The following OPHN1 variants were observed in gnomAD, a reference collection of about 807,000 sequenced individuals.
OPHN1 encodes the protein oligophrenin-1.
In OPHN1, 11 loss-of-function variants were observed where a neutral mutation model predicts 60.7. The observed-to-expected ratio is 0.18, with a 90% CI of 0.11 to 0.30. OPHN1 has a LOEUF of 0.30. Among genes scored for constraint, OPHN1 ranks in the 10% least tolerant of loss-of-function variants. The probability of loss-of-function intolerance (pLI) is 1.00; values close to 1 mark genes in which losing one functional copy is unlikely to be tolerated. For missense variants in OPHN1, 449 were observed against 611.0 expected, an observed-to-expected ratio of 0.73 and a Z score of 2.80; for synonymous variants, 226 against 222.6, an observed-to-expected ratio of 1.02 and a Z score of -0.14.
At chrX:68,167,818 G>T (rs1172205152) in intron 15 of OPHN1, among the ~76,000 whole-genome samples, 1 of 109,789 alleles carries the variant, frequency 9.1e-6, no homozygotes, top group African/African-American at 3.3e-5. Flanking sequence ...CAATAGCCAA[G>T]ATCCTGGAAG....
intron 21 of OPHN1, among the ~76,000 whole-genome samples, chrX:68,055,080 A>G (rs1284422707): frequency 8.9e-6 from 1 of 111,817 alleles, no homozygotes; most frequent in Non-Finnish European, 1.9e-5. Context: ...GTCCCATATT[A>G]CTGTCCCAAG....
intron 12 of OPHN1, among the ~76,000 whole-genome samples, chrX:68,196,364 A>G (rs2077512905): frequency 4.5e-5 from 5 of 111,876 alleles, no homozygotes; most frequent in Non-Finnish European, 1.9e-5. Flanking sequence ...TTTTCTAAGC[A>G]ACCCTGTGAG....
chrX:68,371,861 C>T (rs2078530918), intron 2 of OPHN1, among the ~76,000 whole-genome samples: 2 of 112,519 alleles, frequency 1.8e-5, no homozygotes, highest in South Asian at 3.7e-4. Flanking sequence ...TCTTCTGCCT[C>T]AGCCTCCCAA....
intron 6 of OPHN1, among the ~76,000 whole-genome samples, chrX:68,217,237 G>A (rs1254101126): frequency 8.9e-6 from 1 of 112,105 alleles, no homozygotes; most frequent in Non-Finnish European, 1.9e-5. Context: ...AAAAAACGGA[G>A]CACCACGAGA....
intron 2 of OPHN1, among the ~76,000 whole-genome samples, chrX:68,393,885 G>GTTTGTTTTTTTT: frequency 2.9e-5 from 1 of 34,587 alleles, no homozygotes; most frequent in Non-Finnish European, 4.9e-5. Context: ...AATAGACTTT[G>GTTTGTTTTTTTT]TTTTTTTTTT....
At chrX:68,262,339 T>C (rs913708245) in intron 5 of OPHN1, among the ~76,000 whole-genome samples, 1 of 112,637 alleles carries the variant, frequency 8.9e-6, no homozygotes, top group South Asian at 3.6e-4. Context: ...ATTACTATTT[T>C]ATTTTTAAAA....
chrX:68,269,863 A>G (rs1025718734), intron 5 of OPHN1, among the ~76,000 whole-genome samples: 19 of 112,165 alleles, frequency 1.7e-4, no homozygotes, highest in African/African-American at 5.5e-4. Context: ...AATATCCAGA[A>G]TCTACAATGA....
intron 15 of OPHN1, among the ~76,000 whole-genome samples, chrX:68,134,790 T>A (rs5919526): frequency 9.0e-6 from 1 of 110,777 alleles, no homozygotes; most frequent in East Asian, 2.9e-4. Context: ...CCAAATTCAT[T>A]TGAGGTGTCC....
At chrX:68,294,867 A>C (rs1470580112) in intron 3 of OPHN1, among the ~76,000 whole-genome samples, 1 of 111,743 alleles carries the variant, frequency 8.9e-6, no homozygotes, top group Non-Finnish European at 1.9e-5. Flanking sequence ...ATTTGGGAGC[A>C]CTCTAAAAGT....
chrX:68,198,109 C>A (rs1456542672), intron 11 of OPHN1, among the ~76,000 whole-genome samples: 6 of 111,573 alleles, frequency 5.4e-5, no homozygotes, highest in Non-Finnish European at 1.1e-4. Context: ...AGGCTACCTG[C>A]TGTGGTCTGA....
intron 4 of OPHN1, among the ~76,000 whole-genome samples, chrX:68,279,101 C>CTTTTTTTTTT (rs984725368): frequency 9.2e-5 from 2 of 21,785 alleles, no homozygotes; most frequent in African/African-American, 2.2e-4. Flanking sequence ...CTCCCCCGCT[C>CTTTTTTTTTT]TTTTTTTTTT....
chrX:68,420,838 T>A (rs1255268691), intron 2 of OPHN1, among the ~76,000 whole-genome samples: 2 of 100,916 alleles, frequency 2.0e-5, no homozygotes, highest in Non-Finnish European at 3.9e-5. Flanking sequence ...CTGAAAGTGA[T>A]TCTCAACAGA....
intron 19 of OPHN1, among the ~76,000 whole-genome samples, chrX:68,086,704 A>G (rs1399013787): frequency 8.9e-6 from 1 of 112,039 alleles, no homozygotes; most frequent in African/African-American, 3.2e-5. Flanking sequence ...GAAAGTTGAG[A>G]AAATTATCAC....
At chrX:68,392,066 C>A (rs1401209066) in intron 2 of OPHN1, among the ~76,000 whole-genome samples, 1 of 111,700 alleles carries the variant, frequency 9.0e-6, no homozygotes, top group Non-Finnish European at 1.9e-5. Flanking sequence ...TCAAAATAGA[C>A]AATTGACCCT....
chrX:68,310,310 A>C (rs1466147663), intron 2 of OPHN1, among the ~76,000 whole-genome samples: 1 of 111,584 alleles, frequency 9.0e-6, no homozygotes, highest in Non-Finnish European at 1.9e-5. Context: ...CATTGTGGTA[A>C]AATAAAGTTA....
At chrX:68,075,906 T>A (rs1036955977) in intron 19 of OPHN1, among the ~76,000 whole-genome samples, 2 of 109,642 alleles carry the variant, frequency 1.8e-5, no homozygotes, top group Non-Finnish European at 3.8e-5. Context: ...ATCTTTGTAA[T>A]CTTAGGTTAG....
intron 2 of OPHN1, among the ~76,000 whole-genome samples, chrX:68,386,430 CT>C (rs1306769277): frequency 8.9e-6 from 1 of 111,848 alleles, no homozygotes; most frequent in Non-Finnish European, 1.9e-5. Flanking sequence ...ATGAATAAAC[CT>C]TTTCTTTTAA....
chrX:68,097,057 C>G lies in OPHN1; in HGVS notation c.1527-28G>C, dbSNP rs2077041027. 2.5e-6 allele frequency: 3 copies of G among 1,192,486 alleles called. No homozygotes were observed. The East Asian group carries it at 8.9e-5, about 36-fold the overall frequency. On this transcript the variant is annotated intron_variant, in intron 18 of 24. Coordinates refer to ENST00000355520, the MANE Select transcript of OPHN1 (RefSeq NM_002547.3). ...GCCAGAAGAAAAGGGGCAAGATTAA[C>G]AAAATTTGCTCCAGTATCCCCTTAC... is the stretch of plus-strand genomic sequence containing the variant.
chrX:68,307,288 A>AAATAAT (rs764616868), intron 2 of OPHN1, among the ~76,000 whole-genome samples: 181 of 105,662 alleles, frequency 1.7e-3, no homozygotes, highest in African/African-American at 6.3e-3. Context: ...ACCAAAAAAA[A>AAATAAT]AATAATAATA....
Sources: gnomAD v4.1 joint callset for allele counts (sites outside exome capture counted in the v4.1 genomes callset) on GRCh38, gnomAD v4.1.1 for gene constraint, MANE v1.5 for transcripts, NCBI Gene and HGNC (gene_info 2026-07-23, HGNC 2026-07-21) for gene names.